The following RBFOX1 variants were observed in gnomAD, a reference collection of about 807,000 sequenced individuals.
The protein encoded by RBFOX1 is RNA binding protein fox-1 homolog 1.
A neutral mutation model predicts 57.7 loss-of-function variants in RBFOX1; 8 were observed. That is an observed-to-expected ratio of 0.14 (90% CI 0.08 to 0.25). The LOEUF is 0.25. Among genes scored for constraint, RBFOX1 ranks in the 10% least tolerant of loss-of-function variants. RBFOX1 has a pLI of 1.00. For missense variants in RBFOX1, 611 were observed against 548.5 expected (o/e 1.11, Z -1.14); for synonymous variants, 326 against 222.4 (o/e 1.47, Z -4.15).
chr16:7,517,970 G>C (rs1015592768), intron 4 of RBFOX1, among the ~76,000 whole-genome samples, 177 bp from the exon 5 acceptor site: 1 of 152,062 alleles, frequency 6.6e-6, no homozygotes, highest in Non-Finnish European at 1.5e-5. Flanking sequence ...GATGGTTACT[G>C]TTTCCTTATA....
chr16:5,351,496 T>A (rs985178771), intron 1 of RBFOX1, among the ~76,000 whole-genome samples: 3 of 152,192 alleles, frequency 2.0e-5, no homozygotes, highest in African/African-American at 7.2e-5. Context: ...TGCCTATTGA[T>A]GGGTCTCAGG....
At chr16:5,249,419 G>T (rs951714182) in intron 1 of RBFOX1, among the ~76,000 whole-genome samples, 14 of 152,204 alleles carry the variant, frequency 9.2e-5, no homozygotes, top group African/African-American at 2.7e-4. Context: ...TTGAAAGCCT[G>T]TCGGCTTAAG....
intron 3 of RBFOX1, among the ~76,000 whole-genome samples, chr16:6,953,135 T>A (rs112908612): frequency 6.6e-6 from 1 of 152,104 alleles, no homozygotes; most frequent in Admixed American, 6.5e-5. Flanking sequence ...CTTAGGTGTA[T>A]GTATGCCTCT....
At chr16:6,985,103 C>T (rs1265814963) in intron 3 of RBFOX1, among the ~76,000 whole-genome samples, 1 of 152,044 alleles carries the variant, frequency 6.6e-6, no homozygotes, top group East Asian at 1.9e-4. Flanking sequence ...CTCCCCTCTC[C>T]TTCCTTCCCC....
chr16:6,831,544 A>G (rs915194830), intron 3 of RBFOX1, among the ~76,000 whole-genome samples: 8 of 152,244 alleles, frequency 5.3e-5, no homozygotes, highest in South Asian at 2.1e-4. Flanking sequence ...TCTGAACATT[A>G]CATCTAAAGA....
At chr16:6,173,795 A>G (rs2096981243) in intron 1 of RBFOX1, among the ~76,000 whole-genome samples, 1 of 151,800 alleles carries the variant, frequency 6.6e-6, no homozygotes, top group Admixed American at 6.6e-5. Flanking sequence ...TTTTCAGTAG[A>G]GATGGGTTTT....
At chr16:6,007,237 C>G (rs1316007320) in intron 4 of RBFOX1, among the ~76,000 whole-genome samples, 1 of 152,150 alleles carries the variant, frequency 6.6e-6, no homozygotes, top group Admixed American at 6.5e-5. Context: ...GATGAGATAT[C>G]ACTTCCAAGA....
At chr16:6,634,077 A>G (rs2098411759) in intron 2 of RBFOX1, among the ~76,000 whole-genome samples, 1 of 145,322 alleles carries the variant, frequency 6.9e-6, no homozygotes, top group African/African-American at 2.5e-5. Flanking sequence ...ACACACACAC[A>G]TACACACACA....
chr16:5,659,332 C>G (rs1372789081), intron 3 of RBFOX1, among the ~76,000 whole-genome samples: 2 of 131,980 alleles, frequency 1.5e-5, no homozygotes, highest in African/African-American at 5.8e-5. Context: ...GAGATGGAGT[C>G]TCACTCTGTC....
intron 3 of RBFOX1, among the ~76,000 whole-genome samples, chr16:6,961,520 G>A (rs1379205888): frequency 2.6e-5 from 4 of 152,206 alleles, no homozygotes; most frequent in African/African-American, 9.6e-5. Context: ...GAGCGAGTCC[G>A]TAAAGTCAAA....
intron 4 of RBFOX1, among the ~76,000 whole-genome samples, chr16:7,169,131 T>G (rs2080166410): frequency 2.0e-5 from 3 of 152,214 alleles, no homozygotes. Flanking sequence ...TTCTCACCTA[T>G]TAAGAAGGCA....
intron 2 of RBFOX1, among the ~76,000 whole-genome samples, chr16:5,509,653 A>C (rs2043509042): frequency 6.6e-6 from 1 of 152,182 alleles, no homozygotes; most frequent in South Asian, 2.1e-4. Context: ...CAGTATCACC[A>C]CGCAGACAGT....
intron 2 of RBFOX1, among the ~76,000 whole-genome samples, chr16:6,366,954 C>T (rs2072423663): frequency 6.6e-6 from 1 of 152,194 alleles, no homozygotes; most frequent in South Asian, 2.1e-4. Context: ...ATTTCCTACA[C>T]TGTGAAAGTG....
chr16:6,927,728 C>T (rs1234899240), intron 3 of RBFOX1, among the ~76,000 whole-genome samples: 2 of 145,232 alleles, frequency 1.4e-5, no homozygotes, highest in Non-Finnish European at 3.0e-5. Context: ...GATTATAAGT[C>T]AGTGCCCTAT....
intron 4 of RBFOX1, among the ~76,000 whole-genome samples, chr16:7,241,236 T>A (rs1317268195): frequency 1.3e-5 from 2 of 152,154 alleles, no homozygotes; most frequent in Non-Finnish European, 2.9e-5. Flanking sequence ...GAGTTTTTAT[T>A]CTCATTAGCT....
intron 2 of RBFOX1, among the ~76,000 whole-genome samples, chr16:6,359,169 T>C (rs914848428): frequency 3.9e-5 from 6 of 152,212 alleles, no homozygotes; most frequent in Non-Finnish European, 8.8e-5. Context: ...CTCAGCTCAC[T>C]GCAACCTCTG....
chr16:5,370,011 C>A (rs1432223463), intron 1 of RBFOX1, among the ~76,000 whole-genome samples: 2 of 152,140 alleles, frequency 1.3e-5, no homozygotes, highest in Non-Finnish European at 2.9e-5. Context: ...AAAGTTCCTC[C>A]TCTGAGCTTC....
chr16:7,034,060 A>G (rs1041611304), intron 3 of RBFOX1, among the ~76,000 whole-genome samples: 6 of 152,192 alleles, frequency 3.9e-5, no homozygotes, highest in Non-Finnish European at 8.8e-5. Flanking sequence ...TAGGTATGGC[A>G]GGGGATGGGG....
chr16:6,053,764 C>G (rs2095581322), intron 1 of RBFOX1, among the ~76,000 whole-genome samples: 1 of 152,200 alleles, frequency 6.6e-6, no homozygotes, highest in East Asian at 1.9e-4. Context: ...TTAATGGGAC[C>G]CCCTTAGGCT....
Sources: allele counts gnomAD v4.1 joint callset (sites outside exome capture counted in the v4.1 genomes callset), GRCh38; gene constraint gnomAD v4.1.1; transcripts MANE v1.5; gene names NCBI Gene and HGNC (gene_info 2026-07-23, HGNC 2026-07-21).